The following GRIK4 variants were observed in gnomAD, a reference collection of about 807,000 sequenced individuals.
GRIK4 encodes glutamate receptor ionotropic, kainate 4.
In GRIK4, 40 loss-of-function variants were observed where a neutral mutation model predicts 104.9. The observed-to-expected ratio is 0.38, with a 90% confidence interval of 0.30 to 0.50. GRIK4 has a LOEUF of 0.50. GRIK4 is among the 20% of genes least tolerant of loss of function. The pLI is 0.93. For synonymous variants in GRIK4, 485 were observed against 524.9 expected (o/e 0.92, Z 1.04); for missense variants, 1,047 against 1,308.1 (o/e 0.80, Z 3.08).
At chr11:120,529,073 T>G (rs920738012) in intron 1 of GRIK4, among the ~76,000 whole-genome samples, 14 of 152,232 alleles carry the variant, frequency 9.2e-5, no homozygotes, top group African/African-American at 2.9e-4. Flanking sequence ...CTACTCCTTA[T>G]CCATTCCTCT....
intron 4 of GRIK4, among the ~76,000 whole-genome samples, chr11:120,808,737 G>A (rs1952767148): frequency 6.6e-6 from 1 of 152,192 alleles, no homozygotes; most frequent in South Asian, 2.1e-4. Context: ...GCAATTGTTT[G>A]CCTTGCCCTA....
chr11:120,735,417 AC>A (rs1219762331), intron 3 of GRIK4, among the ~76,000 whole-genome samples: 1 of 152,084 alleles, frequency 6.6e-6, no homozygotes, highest in African/African-American at 2.4e-5. Context: ...GTGCTTAGCC[AC>A]CTGGAGCTGG....
chr11:120,687,105 A>C (rs17124208), intron 3 of GRIK4, among the ~76,000 whole-genome samples: 7,294 of 152,328 alleles, frequency 0.048, 354 homozygotes, highest in African/African-American at 0.13. Flanking sequence ...GTAATTTATA[A>C]AGAGATCTTA....
intron 8 of GRIK4, among the ~76,000 whole-genome samples, chr11:120,852,887 A>G (rs1258984140): frequency 6.6e-6 from 1 of 152,172 alleles, no homozygotes; most frequent in Non-Finnish European, 1.5e-5. Context: ...TCTGTGATGC[A>G]TTAGATCTAG....
chr11:120,552,972 C>T (rs944889650), intron 1 of GRIK4, among the ~76,000 whole-genome samples: 3 of 142,240 alleles, frequency 2.1e-5, no homozygotes, highest in Admixed American at 7.5e-5. Flanking sequence ...TGCATTACAG[C>T]GTGGGGGACA....
intron 11 of GRIK4, among the ~76,000 whole-genome samples, chr11:120,879,135 G>C (rs1954895902): frequency 6.6e-6 from 1 of 152,200 alleles, no homozygotes. Context: ...ACTTCAGACA[G>C]AGCTGGAATT....
chr11:120,654,351 T>TTTA (rs1279791878), intron 2 of GRIK4, among the ~76,000 whole-genome samples: 2 of 152,096 alleles, frequency 1.3e-5, no homozygotes, highest in Non-Finnish European at 2.9e-5. Flanking sequence ...AGAGTTAGTA[T>TTTA]TTATTATTAT....
At position 120,960,914 on chromosome 11, in the gene GRIK4, C is replaced by T. The variant is rs1187193742; in HGVS notation, c.1880C>T (p.Ala627Val). 1 of 1,613,056 alleles carries T rather than the reference C, an allele frequency of 6.2e-7. No individual in the cohort carries two copies. The highest frequency in any genetic ancestry group is 1.7e-5 in the Admixed American group (1 of 59,772). The change falls in exon 17 of 21, where the codon GCA (alanine) becomes GTA (valine). Residue 627 changes from alanine to valine, a missense_variant. Around this residue, in one of 3 missense-constraint regions of GRIK4, gnomAD observed 440 missense variants for 652.3 expected, o/e 0.67. Coordinates refer to ENST00000527524, the MANE Select transcript of GRIK4 (RefSeq NM_014619.5). ...STRCVSGVWW[A>V]FTLIIISSYT... ...CCTCGTCTTTTCCTACATAGGTGGG[C>T]ATTCACGCTGATCATCATCTCATCC... is the stretch of plus-strand genomic sequence containing the variant.
intron 3 of GRIK4, among the ~76,000 whole-genome samples, chr11:120,662,340 C>T (rs192055403): frequency 2.0e-5 from 3 of 152,314 alleles, no homozygotes; most frequent in Admixed American, 6.5e-5. Context: ...AAGGTCAAAC[C>T]GGGCCTAATC....
At position 120,971,668 on chromosome 11, in the gene GRIK4, G is replaced by A. The variant is rs113802575; in HGVS notation, c.2395+4345G>A. Among the ~76,000 whole-genome samples, 2 of 152,314 alleles carry A rather than the reference G, an allele frequency of 1.3e-5. 1 individual carries two copies. Among genetic ancestry groups the A allele is most frequent in the African/African-American group, 4.8e-5 (2 of 41,568 alleles). ...ATAGTTGCTGTAATGGTTGCAGTAT[G>A]GGAGAGTTTTAATAGCGGTATAAAG... On this transcript the variant is annotated intron_variant, in intron 19 of 20. Transcript: ENST00000527524.
intron 13 of GRIK4, among the ~76,000 whole-genome samples, chr11:120,922,506 T>C (rs1943246350): frequency 6.6e-6 from 1 of 152,198 alleles, no homozygotes; most frequent in Non-Finnish European, 1.5e-5. Flanking sequence ...GGCACCTCCT[T>C]CTATCTTCCC....
At chr11:120,651,987 G>A (rs1238919145) in intron 1 of GRIK4, among the ~76,000 whole-genome samples, 1 of 152,136 alleles carries the variant, frequency 6.6e-6, no homozygotes, top group African/African-American at 2.4e-5. Flanking sequence ...AGTGAGTGAT[G>A]GGTGAGAACA....
At chr11:120,851,448 A>G (rs1466993248) in intron 8 of GRIK4, among the ~76,000 whole-genome samples, 1 of 152,224 alleles carries the variant, frequency 6.6e-6, no homozygotes, top group Non-Finnish European at 1.5e-5. Flanking sequence ...CAATTCTGGT[A>G]GAAAAGACCA....
At chr11:120,566,148 A>G (rs976868139) in intron 1 of GRIK4, among the ~76,000 whole-genome samples, 11 of 152,216 alleles carry the variant, frequency 7.2e-5, no homozygotes, top group African/African-American at 2.7e-4. Flanking sequence ...CTCAGATTTT[A>G]TTTGACAAAT....
rs1226650823 is a variant in GRIK4 at position 120,940,099 on chromosome 11, T to C, written c.1477-248T>C. On this transcript the variant is annotated intron_variant, in intron 13 of 20. Transcript: ENST00000527524. This position sits in a 1 kb window ranked among gnomAD's most constrained non-coding sequence, Gnocchi z 4.3. ...TGAACAGTCTGGTAGTGATACCCCC[T>C]GTTTTTAAAATTATTTATGTATTTA... Among the ~76,000 whole-genome samples the C allele has an allele frequency of 7.0e-6, 1 of 143,530 alleles. No homozygotes were observed. Among genetic ancestry groups the C allele is most frequent in the African/African-American group, 3.0e-5 (1 of 33,282 alleles). The allele number at this position is 143,530 out of a possible 152,430, so 94.2% of individuals were successfully genotyped here. A position where few individuals can be genotyped will look rare whatever the true frequency, so the allele number is the denominator to read the frequency against.
chr11:120,783,560 CTTAATTT>C (rs748184661), intron 3 of GRIK4, among the ~76,000 whole-genome samples: 10 of 152,094 alleles, frequency 6.6e-5, no homozygotes, highest in Non-Finnish European at 1.3e-4. Context: ...GGTCTCGGTT[CTTAATTT>C]TTAGAGTGGG....
intron 13 of GRIK4, among the ~76,000 whole-genome samples, chr11:120,932,814 C>T (rs983261748): frequency 1.8e-4 from 28 of 152,130 alleles, no homozygotes; most frequent in Middle Eastern, 6.3e-3. Context: ...TTGTAGAAAG[C>T]TGCTGGCATG....
At chr11:120,791,744 T>A (rs560964528) in intron 3 of GRIK4, among the ~76,000 whole-genome samples, 38 of 152,354 alleles carry the variant, frequency 2.5e-4, no homozygotes, top group African/African-American at 8.9e-4. Flanking sequence ...ATGGTCCATT[T>A]TTTTTGTTAA....
rs777786895 is a variant in GRIK4 at position 120,874,114 on chromosome 11, G to T, written c.955G>T (p.Val319Leu). ...TGCTGTCTATGCTGTGGTGACTGCG[G>T]TGCAGGAACTGAACCGGAGCCAAGA... The part of the protein sequence containing the change: ...FDAVYAVVTA[V>L]QELNRSQEIG... Residue 319 changes from valine to leucine, a missense_variant, in exon 10 of 21, where the codon GTG becomes TTG. By Grantham distance (32) the Val-to-Leu change is conservative. Transcript: ENST00000527524. 6.2e-7 allele frequency: 1 copy of T among 1,613,946 alleles called. No homozygotes were observed. The highest frequency in any genetic ancestry group is 8.5e-7 in the Non-Finnish European group (1 of 1,179,902).
Sources: gnomAD v4.1 joint callset for allele counts (sites outside exome capture counted in the v4.1 genomes callset) on GRCh38, gnomAD v4.1.1 for gene constraint, gnomAD v4.1.1 regional missense constraint, Gnocchi (gnomAD v3.1) non-coding constraint, MANE v1.5 for transcripts, NCBI Gene and HGNC (gene_info 2026-07-23, HGNC 2026-07-21) for gene names.